The following PHC3 variants were observed in gnomAD, a reference collection of about 807,000 sequenced individuals.
The protein encoded by PHC3 is polyhomeotic homolog 3, also known as polyhomeotic-like protein 3.
PHC3 carries 13 observed loss-of-function variants against 107.4 expected under a neutral mutation model. The observed-to-expected ratio is 0.12, with a 90% CI of 0.08 to 0.19. The LOEUF (loss-of-function observed/expected upper bound fraction) is 0.19, where lower values mean the gene tolerates loss of function less well. Ranked by LOEUF, PHC3 falls within the 10% of genes least tolerant of loss-of-function variation. The pLI is 1.00. For missense variants in PHC3, 992 were observed against 1,210.9 expected (o/e 0.82, Z 2.68); for synonymous variants, 456 against 427.4 (o/e 1.07, Z -0.83).
chr3:170,166,827 G>A (rs1225431396), intron 4 of PHC3, among the ~76,000 whole-genome samples: 2 of 152,008 alleles, frequency 1.3e-5, no homozygotes, highest in East Asian at 3.9e-4. Flanking sequence ...ACCACACCTG[G>A]CTAATTTCTT....
At position 170,171,358 on chromosome 3, in the gene PHC3, A is replaced by G; in HGVS notation, c.414+15T>C. ...AAAATTTTAAATCCAGGAAAAAAAA[A>G]TTTAGGGAACTTACAGACGTTTGGG... On this transcript the variant is annotated intron_variant, in intron 4 of 14. Coordinates refer to ENST00000495893, the MANE Select transcript of PHC3 (RefSeq NM_024947.4). 6.4e-7 allele frequency: 1 copy of G among 1,560,952 alleles called. No homozygotes were observed. The highest frequency in any genetic ancestry group is 8.7e-7 in the Non-Finnish European group (1 of 1,152,060).
chr3:170,152,337 ATT>A (rs1220193435), intron 4 of PHC3, among the ~76,000 whole-genome samples: 16 of 122,148 alleles, frequency 1.3e-4, no homozygotes, highest in African/African-American at 2.8e-4. Flanking sequence ...CGCCTGGCTA[ATT>A]TTTTTTTTTT....
rs376591078 is a variant in PHC3 at position 170,113,381 on chromosome 3, T to C, written c.2332A>G (p.Met778Val). 6 of 1,609,356 alleles carry C rather than the reference T, an allele frequency of 3.7e-6. No homozygotes were observed. Among genetic ancestry groups the C allele is most frequent in the African/African-American group, 2.7e-5 (2 of 74,776 alleles). Reference protein sequence around the residue: ...KHADNSSDTEMEDMIAEETLE... With the variant: ...KHADNSSDTEVEDMIAEETLE... ...AAACCTTCAGCAATCATGTCTTCCA[T>C]CTCTGTGTCAGATGAATTATCCGCA... The change falls in exon 11 of 15, where the codon ATG becomes GTG. Residue 778 changes from methionine to valine, a missense_variant. By Grantham distance (21) the Met-to-Val change is conservative. Transcript: ENST00000495893.
At chr3:170,163,150 G>A (rs765129881) in intron 4 of PHC3, among the ~76,000 whole-genome samples, 2 of 152,054 alleles carry the variant, frequency 1.3e-5, no homozygotes, top group Non-Finnish European at 2.9e-5. Context: ...AATATTAAAC[G>A]CTCGATAAAT....
chr3:170,088,239 T>G lies in PHC3; in HGVS notation c.*8991A>C, dbSNP rs1560000006. ...ATCATCTTTTGAGGTTTTAATAATA[T>G]GAAAGTCCTATTTTAGAACAATGGG... On this transcript the variant is annotated 3_prime_UTR_variant, in exon 15 of 15. Transcript: ENST00000495893. 6.6e-6 allele frequency: 1 copy of G among 152,196 alleles called. No homozygotes were observed. The highest frequency in any genetic ancestry group is 2.4e-5 in the African/African-American group (1 of 41,468). 9.4% of individuals were successfully genotyped at this position (152,196 alleles called of 1,614,324 possible).
chr3:170,181,541 G>T, intron 1 of PHC3, 161 bp downstream of exon 1: 2 of 1,049,346 alleles, frequency 1.9e-6, no homozygotes, highest in Non-Finnish European at 2.8e-6. Flanking sequence ...TCTTCGCCCC[G>T]CGACACGGGC....
chr3:170,139,518 G>T (rs1723688324), intron 6 of PHC3, among the ~76,000 whole-genome samples: 1 of 152,156 alleles, frequency 6.6e-6, no homozygotes, highest in East Asian at 1.9e-4. Context: ...AGTAAACAAG[G>T]ATTTGACACA....
chr3:170,130,959 C>T (rs1236675679), intron 7 of PHC3, among the ~76,000 whole-genome samples: 1 of 151,334 alleles, frequency 6.6e-6, no homozygotes, highest in Non-Finnish European at 1.5e-5. Context: ...CTATATTATA[C>T]CTTACATCTA....
chr3:170,121,807 A>C (rs1720394939), intron 9 of PHC3, among the ~76,000 whole-genome samples: 1 of 152,220 alleles, frequency 6.6e-6, no homozygotes, highest in Admixed American at 6.5e-5. Flanking sequence ...CATTTATTCT[A>C]ATTTTTAAAC....
At chr3:170,115,323 A>T (rs893289116) in intron 10 of PHC3, among the ~76,000 whole-genome samples, 16 of 119,296 alleles carry the variant, frequency 1.3e-4, no homozygotes, top group Non-Finnish European at 2.7e-4. Flanking sequence ...CAGTGAAAGG[A>T]GAACTGTATG....
Position 170,145,393 on chromosome 3 carries a change from G to C in PHC3, c.672+30C>G, listed in dbSNP as rs771676292. On this transcript the variant is annotated intron_variant, in intron 6 of 14. Transcript: ENST00000495893. Reference sequence around the variant, plus strand: ...TTTAACCTGAAGATCCAGATCTCAAGTAACACATTATGAAGCTAGACAAGC... The same window carrying C: ...TTTAACCTGAAGATCCAGATCTCAACTAACACATTATGAAGCTAGACAAGC... 5.1e-6 allele frequency: 8 copies of C among 1,574,794 alleles called. No homozygotes were observed. In the South Asian group the frequency reaches 7.9e-5, roughly 16 times the overall value.
At chr3:170,145,354 A>C (rs1190308444) in intron 6 of PHC3, 69 bp downstream of exon 6, 3 of 1,308,296 alleles carry the variant, frequency 2.3e-6, no homozygotes, top group Non-Finnish European at 2.2e-6. Context: ...TTAAACACAA[A>C]TGCAATGCTT....
At chr3:170,124,596 C>G (rs947677433) in intron 8 of PHC3, among the ~76,000 whole-genome samples, 1 of 151,730 alleles carries the variant, frequency 6.6e-6, no homozygotes, top group Non-Finnish European at 1.5e-5. Context: ...AACTCCTGGG[C>G]TCAAGTGATC....
intron 6 of PHC3, among the ~76,000 whole-genome samples, chr3:170,136,974 C>A (rs1333647532): frequency 6.6e-6 from 1 of 151,324 alleles, no homozygotes; most frequent in Non-Finnish European, 1.5e-5. Flanking sequence ...AGGGAAGGAT[C>A]ATAAAGAACT....
intron 14 of PHC3, among the ~76,000 whole-genome samples, chr3:170,099,666 T>C (rs1715162248): frequency 6.6e-6 from 1 of 152,122 alleles, no homozygotes; most frequent in Admixed American, 6.6e-5. Flanking sequence ...CAACTGATCT[T>C]TCAAGTGTCT....
chr3:170,158,188 A>G (rs1727198772), intron 4 of PHC3, among the ~76,000 whole-genome samples: 2 of 152,296 alleles, frequency 1.3e-5, no homozygotes, highest in Admixed American at 6.5e-5. Flanking sequence ...CATGAAAGAA[A>G]AAAAATGAAG....
intron 1 of PHC3, 33 bp downstream of exon 1, chr3:170,181,669 A>T: frequency 1.9e-6 from 3 of 1,610,528 alleles, no homozygotes; most frequent in Non-Finnish European, 2.5e-6. Flanking sequence ...CGCCCCCCCT[A>T]GTTACGACAT....
At position 170,087,615 on chromosome 3, in the gene PHC3, A is replaced by G. The variant is rs1183872689; in HGVS notation, c.*9615T>C. On this transcript the variant is annotated 3_prime_UTR_variant, in exon 15 of 15. Coordinates refer to ENST00000495893, the MANE Select transcript of PHC3 (RefSeq NM_024947.4). ...GGAAGAGGCTTTTATTTGTAAAGAAATGAACTTACAACTGATCTACAATAT... is the reference window on the plus strand; with the variant it reads ...GGAAGAGGCTTTTATTTGTAAAGAAGTGAACTTACAACTGATCTACAATAT... 2.0e-5 allele frequency: 3 copies of G among 152,170 alleles called. No individual in the cohort carries two copies. Among genetic ancestry groups the G allele is most frequent in the East Asian group, 1.9e-4 (1 of 5,200 alleles). 9.4% of individuals were successfully genotyped at this position (152,170 alleles called of 1,614,324 possible).
intron 3 of PHC3, 69 bp downstream of exon 3, chr3:170,172,488 T>C: frequency 6.7e-7 from 1 of 1,502,522 alleles, no homozygotes; most frequent in Non-Finnish European, 9.0e-7. Flanking sequence ...ATACCCAATC[T>C]ATTTATTTTC....
Sources: gnomAD v4.1 joint callset for allele counts (sites outside exome capture counted in the v4.1 genomes callset) on GRCh38, gnomAD v4.1.1 for gene constraint, MANE v1.5 for transcripts, NCBI Gene and HGNC (gene_info 2026-07-23, HGNC 2026-07-21) for gene names.